The following NRG2 variants were observed in gnomAD, a reference collection of about 807,000 sequenced individuals.
NRG2 encodes the protein pro-neuregulin-2, membrane-bound isoform.
A neutral mutation model predicts 73.9 loss-of-function variants in NRG2; 27 were observed. The ratio of observed to expected loss-of-function variants is 0.37; its 90% CI spans 0.27 to 0.50. The LOEUF is 0.50. Ranked by LOEUF, NRG2 falls within the 20% of genes least tolerant of loss-of-function variation. NRG2 has a pLI of 0.96. For synonymous variants in NRG2, 532 were observed against 541.0 expected (o/e 0.98, Z 0.23); for missense variants, 1,126 against 1,210.1 (o/e 0.93, Z 1.03).
chr5:140,042,685 C>A lies in NRG2; in HGVS notation c.385G>T (p.Val129Leu). The A allele has an allele frequency of 3.8e-6, 6 of 1,587,340 alleles. No homozygotes were observed. Among genetic ancestry groups the A allele is most frequent in the Non-Finnish European group, 5.1e-6 (6 of 1,167,342 alleles). ...SVQDQAYKAP[V>L]VVEGKVQGLV... ...CCCTGTACCTTGCCCTCCACCACCA[C>A]GGGTGCCTTGTACGCCTGGTCCTGC... Residue 129 changes from valine (V) to leucine (L), a missense_variant, in exon 1 of 10, where the codon GTG becomes TTG. Physicochemically the swap from Val to Leu is conservative, Grantham distance 32. This residue lies in a region of NRG2 where 539 missense variants were observed against 703.2 expected (regional missense o/e 0.77). Coordinates refer to ENST00000361474, the MANE Select transcript of NRG2 (RefSeq NM_004883.3).
chr5:140,024,679 G>A (rs1161056561), intron 1 of NRG2, among the ~76,000 whole-genome samples: 2 of 152,144 alleles, frequency 1.3e-5, no homozygotes, highest in Non-Finnish European at 2.9e-5. Context: ...GCAGGAGGAG[G>A]TCAGTCCCCC....
intron 1 of NRG2, among the ~76,000 whole-genome samples, chr5:139,976,375 A>G (rs544007679): frequency 5.1e-4 from 77 of 152,368 alleles, no homozygotes; most frequent in African/African-American, 1.8e-3. Flanking sequence ...AGTTAAAGGT[A>G]ATAACCTCAA....
At chr5:139,974,665 T>C (rs1756243371) in intron 1 of NRG2, among the ~76,000 whole-genome samples, 1 of 152,158 alleles carries the variant, frequency 6.6e-6, no homozygotes, top group Admixed American at 6.5e-5. Context: ...AGCCTCCTCT[T>C]CCTCCTTGGC....
Position 140,041,690 on chromosome 5 carries a change from T to C in NRG2, c.700+680A>G, listed in dbSNP as rs192605717. Among the ~76,000 whole-genome samples, 21 of 143,480 alleles carry C rather than the reference T, an allele frequency of 1.5e-4. No homozygotes were observed. In the East Asian group the frequency reaches 3.8e-3, roughly 26 times the overall value. 94.1% of individuals were successfully genotyped at this position (143,480 alleles called of 152,430 possible). Reference sequence around the variant, plus strand: ...CTAAAAAAAAAAAAAAAAAAAGGTGTCTGCTTGCTAGTCTTAAGAGAAGGA... The same window carrying C: ...CTAAAAAAAAAAAAAAAAAAAGGTGCCTGCTTGCTAGTCTTAAGAGAAGGA... On this transcript the variant is annotated intron_variant, in intron 1 of 9. Transcript: ENST00000361474.
At chr5:139,937,424 T>C (rs968304418) in intron 1 of NRG2, among the ~76,000 whole-genome samples, 5 of 152,110 alleles carry the variant, frequency 3.3e-5, no homozygotes, top group Non-Finnish European at 7.4e-5. Context: ...AGGAATCAAT[T>C]CTACTCAACA....
chr5:139,880,795 G>T lies in NRG2; in HGVS notation c.991+61C>A, dbSNP rs202148848. 3 of 1,306,432 alleles carry T rather than the reference G, an allele frequency of 2.3e-6. No homozygotes were observed. In the African/African-American group the frequency reaches 4.4e-5, roughly 19 times the overall value. 80.9% of individuals were successfully genotyped at this position (1,306,432 alleles called of 1,614,324 possible). On this transcript the variant is annotated intron_variant, in intron 3 of 9. Transcript: ENST00000361474. ...CACATGCAGGCCCCAAGGGCTGGGG[G>T]GCCACTGGCCCGCCCTGCCAAACCC...
At chr5:139,925,522 T>A (rs889351875) in intron 1 of NRG2, among the ~76,000 whole-genome samples, 4 of 152,222 alleles carry the variant, frequency 2.6e-5, no homozygotes, top group Admixed American at 1.3e-4. Context: ...TGCAGCTAAG[T>A]GGCTGGGTTC....
Position 139,865,517 on chromosome 5 carries a change from G to T in NRG2, c.1189+32C>A. 2 of 1,573,586 alleles carry T rather than the reference G, an allele frequency of 1.3e-6. No individual in the cohort carries two copies. The highest frequency in any genetic ancestry group is 1.1e-5 in the South Asian group (1 of 89,806). The stretch of plus-strand genomic sequence containing the variant: ...ACTGCACCCAGAAGCTTTCTAAGGA[G>T]CAGGGACTTGTGTTTGTATCTTCAA... On this transcript the variant is annotated intron_variant, in intron 5 of 9. Transcript: ENST00000361474. This position sits in a 1 kb window ranked among gnomAD's most constrained non-coding sequence, Gnocchi z 5.2.
chr5:139,888,870 C>T (rs1191717158), intron 1 of NRG2, among the ~76,000 whole-genome samples: 1 of 152,108 alleles, frequency 6.6e-6, no homozygotes, highest in African/African-American at 2.4e-5. Context: ...ATAAATAACA[C>T]CTCCCCCCAT....
intron 1 of NRG2, among the ~76,000 whole-genome samples, chr5:139,900,140 C>A (rs1764782309): frequency 6.6e-6 from 1 of 152,098 alleles, no homozygotes; most frequent in Admixed American, 6.5e-5. Flanking sequence ...AATGTCATCT[C>A]CTCTGTGAAG....
At chr5:139,941,960 T>C (rs1158093442) in intron 1 of NRG2, among the ~76,000 whole-genome samples, 1 of 152,198 alleles carries the variant, frequency 6.6e-6, no homozygotes, top group Non-Finnish European at 1.5e-5. Context: ...CAAATAAGCA[T>C]TGTTTTACCT....
chr5:140,029,014 G>A (rs1580981723), intron 1 of NRG2, among the ~76,000 whole-genome samples: 1 of 152,188 alleles, frequency 6.6e-6, no homozygotes, highest in Admixed American at 6.5e-5. Flanking sequence ...ACATGTCAGA[G>A]AAGAAACTTT....
At chr5:140,016,097 C>T (rs956131737) in intron 1 of NRG2, among the ~76,000 whole-genome samples, 131 of 152,306 alleles carry the variant, frequency 8.6e-4, no homozygotes, top group African/African-American at 3.1e-3. Context: ...TTGCCACGTC[C>T]TCAAGTTAGG....
Position 140,008,776 on chromosome 5 carries a change from G to A in NRG2, c.700+33594C>T, listed in dbSNP as rs1759121912. 6.6e-6 allele frequency among the ~76,000 whole-genome samples: 1 copy of A among 152,172 alleles called. No homozygotes were observed. The highest frequency in any genetic ancestry group is 1.5e-5 in the Non-Finnish European group (1 of 68,030). ...GGTGAGTTCAAAAAAATAAATGCAT[G>A]AAACAAGGAGGTATAGTACTATGGT... On this transcript the variant is annotated intron_variant, in intron 1 of 9. Transcript: ENST00000361474. The surrounding 1 kb of genome is among the most constrained non-coding windows in gnomAD (Gnocchi z 4.2).
Position 139,883,709 on chromosome 5 carries a change from G to A in NRG2, c.873-2735C>T, listed in dbSNP as rs77387746. Among the ~76,000 whole-genome samples the A allele has an allele frequency of 4.0e-3, 608 of 152,276 alleles. 7 individuals are homozygous for A. The highest frequency in any genetic ancestry group is 0.014 in the African/African-American group (586 of 41,554). ...AGGATGGGTAGGTGTGCAGGTGGCC[G>A]TTCTCTCTAAGTCACTCCGAGGGCG... On this transcript the variant is annotated intron_variant, in intron 2 of 9. Transcript: ENST00000361474.
At chr5:139,981,368 G>A (rs1047401203) in intron 1 of NRG2, among the ~76,000 whole-genome samples, 11 of 152,220 alleles carry the variant, frequency 7.2e-5, no homozygotes, top group African/African-American at 1.7e-4. Context: ...CATGGCCATG[G>A]TGGGAAGGGC....
At chr5:140,014,213 C>T (rs952655706) in intron 1 of NRG2, among the ~76,000 whole-genome samples, 4 of 151,050 alleles carry the variant, frequency 2.6e-5, no homozygotes, top group East Asian at 1.9e-4. Context: ...TGTCTCCAGT[C>T]GCTCAGGTAA....
At chr5:140,021,010 G>A (rs984793611) in intron 1 of NRG2, among the ~76,000 whole-genome samples, 1 of 152,180 alleles carries the variant, frequency 6.6e-6, no homozygotes, top group Non-Finnish European at 1.5e-5. Flanking sequence ...AAGACTGTGA[G>A]TAGGTTATGC....
At chr5:139,860,217 G>A (rs1245851306) in intron 5 of NRG2, among the ~76,000 whole-genome samples, 1 of 152,142 alleles carries the variant, frequency 6.6e-6, no homozygotes, top group Non-Finnish European at 1.5e-5. Context: ...AGGCGCAAGA[G>A]TCAGTTGGCA....
Sources: gnomAD v4.1 joint callset for allele counts (sites outside exome capture counted in the v4.1 genomes callset) on GRCh38, gnomAD v4.1.1 for gene constraint, gnomAD v4.1.1 regional missense constraint, Gnocchi (gnomAD v3.1) non-coding constraint, MANE v1.5 for transcripts, NCBI Gene and HGNC (gene_info 2026-07-23, HGNC 2026-07-21) for gene names.